ITPR2: variants seen among roughly 807,000 people sequenced by gnomAD.
ITPR2 encodes the protein inositol 1,4,5-trisphosphate-gated calcium channel ITPR2.
A neutral mutation model predicts 317.1 loss-of-function variants in ITPR2; 207 were observed. The ratio of observed to expected loss-of-function variants is 0.65; its 90% CI spans 0.58 to 0.73. ITPR2 has a LOEUF of 0.73. Ranked by LOEUF, ITPR2 falls within the 30% of genes least tolerant of loss-of-function variation. The probability of loss-of-function intolerance (pLI) is 0.00; values close to 1 mark genes in which losing one functional copy is unlikely to be tolerated. For synonymous variants in ITPR2, 1,156 were observed against 1,149.1 expected, an observed-to-expected ratio of 1.01 and a Z score of -0.12; for missense variants, 2,613 against 3,284.0, an observed-to-expected ratio of 0.80 and a Z score of 4.99.
chr12:26,536,062 T>C (rs1944081564), intron 37 of ITPR2, among the ~76,000 whole-genome samples: 1 of 152,224 alleles, frequency 6.6e-6, no homozygotes. Context: ...GTCATTTGAA[T>C]TTTGGAGAAC....
intron 26 of ITPR2, among the ~76,000 whole-genome samples, chr12:26,605,231 T>C (rs1946105633): frequency 6.6e-6 from 1 of 151,654 alleles, no homozygotes; most frequent in East Asian, 1.9e-4. Flanking sequence ...ACTATTTAGA[T>C]GGAAAGAGGC....
intron 21 of ITPR2, among the ~76,000 whole-genome samples, chr12:26,633,691 T>A (rs1946801610): frequency 6.6e-6 from 1 of 152,210 alleles, no homozygotes; most frequent in African/African-American, 2.4e-5. Flanking sequence ...CCCTGCTTGC[T>A]ACATGGACTG....
chr12:26,529,193 T>A (rs1565583027), intron 37 of ITPR2, among the ~76,000 whole-genome samples: 1 of 152,202 alleles, frequency 6.6e-6, no homozygotes, highest in Non-Finnish European at 1.5e-5. Flanking sequence ...CTTACTCCTA[T>A]ACTCAAACCT....
intron 37 of ITPR2, among the ~76,000 whole-genome samples, chr12:26,531,348 C>G (rs1943937242): frequency 6.6e-6 from 1 of 152,200 alleles, no homozygotes; most frequent in African/African-American, 2.4e-5. Context: ...AAGTCTATAA[C>G]TCATTTTTAA....
At chr12:26,473,557 C>T (rs1359836429) in intron 45 of ITPR2, among the ~76,000 whole-genome samples, 1 of 152,234 alleles carries the variant, frequency 6.6e-6, no homozygotes, top group Non-Finnish European at 1.5e-5. Context: ...AAACTTATTA[C>T]TGCTCATTTT....
chr12:26,798,603 C>A (rs534271514), intron 1 of ITPR2, among the ~76,000 whole-genome samples: 4 of 152,306 alleles, frequency 2.6e-5, no homozygotes, highest in Admixed American at 1.3e-4. Context: ...CATTTTTTAA[C>A]TTAGCCAACA....
At chr12:26,425,359 AT>A (rs897846515) in intron 49 of ITPR2, among the ~76,000 whole-genome samples, 6 of 151,552 alleles carry the variant, frequency 4.0e-5, no homozygotes, top group African/African-American at 7.3e-5. Flanking sequence ...ATTAAAGTTG[AT>A]TTTTTTTTGG....
intron 15 of ITPR2, among the ~76,000 whole-genome samples, chr12:26,663,429 CA>C (rs1947547174): frequency 6.6e-6 from 1 of 152,188 alleles, no homozygotes; most frequent in Non-Finnish European, 1.5e-5. Context: ...TCCTGGCCAC[CA>C]GGAACCAATA....
chr12:26,372,882 C>T (rs765768753), intron 55 of ITPR2, among the ~76,000 whole-genome samples: 2 of 152,160 alleles, frequency 1.3e-5, no homozygotes, highest in African/African-American at 2.4e-5. Flanking sequence ...GGAAATTCCT[C>T]GCGCCTCCCA....
intron 36 of ITPR2, among the ~76,000 whole-genome samples, chr12:26,553,768 G>A (rs1944590236): frequency 6.6e-6 from 1 of 150,896 alleles, no homozygotes; most frequent in Admixed American, 6.6e-5. Context: ...CTGGGTGACA[G>A]AGCAAGACTC....
chr12:26,517,838 A>G (rs1213343061), intron 37 of ITPR2, among the ~76,000 whole-genome samples: 2 of 140,364 alleles, frequency 1.4e-5, no homozygotes, highest in African/African-American at 6.2e-5. Context: ...ACTCTGTATC[A>G]AACAAAACAA....
chr12:26,527,682 T>C (rs1158399640), intron 37 of ITPR2, among the ~76,000 whole-genome samples: 1 of 152,204 alleles, frequency 6.6e-6, no homozygotes, highest in Non-Finnish European at 1.5e-5. Flanking sequence ...TGGTTTGTTA[T>C]TCATCAGATA....
intron 2 of ITPR2, among the ~76,000 whole-genome samples, chr12:26,788,334 T>C (rs904069473): frequency 6.6e-6 from 1 of 152,206 alleles, no homozygotes; most frequent in Non-Finnish European, 1.5e-5. Context: ...TCTACTCCCA[T>C]TAGCCAATGA....
In ITPR2 at chr12:26,600,006, T is replaced by C. The variant is rs542279120; in HGVS notation, c.3782A>G (p.Asn1261Ser). The change falls in exon 29 of 57, where the codon AAT becomes AGT. Residue 1261 changes from asparagine to serine, a missense_variant. Coordinates refer to ENST00000381340, the MANE Select transcript of ITPR2 (RefSeq NM_002223.4). ...ACTTACACCTGGAGTTAAAAACAAA[T>C]TCAGATGTTTATGAAGAAGAACTTG... Reference protein sequence around the residue: ...QNQVLLHKHLNLFLTPGLLEA... With the variant: ...QNQVLLHKHLSLFLTPGLLEA... The C allele has an allele frequency of 5.6e-6, 9 of 1,606,024 alleles. 1 individual carries two copies. Among genetic ancestry groups the C allele is most frequent in the Middle Eastern group, 1.7e-4 (1 of 6,016 alleles).
At chr12:26,399,236 C>T (rs1940094810) in intron 53 of ITPR2, among the ~76,000 whole-genome samples, 195 bp from the exon 54 acceptor site, 2 of 152,228 alleles carry the variant, frequency 1.3e-5, no homozygotes, top group African/African-American at 4.8e-5. Context: ...GAACCACTTA[C>T]ATTTCTCTAG....
At chr12:26,345,104 A>G (rs551856674) in intron 55 of ITPR2, among the ~76,000 whole-genome samples, 1 of 152,224 alleles carries the variant, frequency 6.6e-6, no homozygotes, top group African/African-American at 2.4e-5. Flanking sequence ...TTAATATTGA[A>G]TATTTTAGGG....
At chr12:26,484,141 G>A (rs998337183) in intron 41 of ITPR2, among the ~76,000 whole-genome samples, 12 of 136,228 alleles carry the variant, frequency 8.8e-5, no homozygotes, top group South Asian at 2.3e-4. Flanking sequence ...GTATATGTGT[G>A]TATATATGTA....
intron 1 of ITPR2, among the ~76,000 whole-genome samples, chr12:26,795,112 T>G (rs1202338839): frequency 6.6e-6 from 1 of 152,256 alleles, no homozygotes; most frequent in Admixed American, 6.5e-5. Context: ...TAAACATCAT[T>G]AATTTGCATA....
At chr12:26,535,841 A>G (rs140026072) in intron 37 of ITPR2, among the ~76,000 whole-genome samples, 63 of 152,358 alleles carry the variant, frequency 4.1e-4, no homozygotes, top group African/African-American at 1.5e-3. Context: ...GTGCACATAA[A>G]TAAGAAAAGA....
Sources: gnomAD v4.1 joint callset for allele counts (sites outside exome capture counted in the v4.1 genomes callset) on GRCh38, gnomAD v4.1.1 for gene constraint, MANE v1.5 for transcripts, NCBI Gene and HGNC (gene_info 2026-07-23, HGNC 2026-07-21) for gene names.